The following C9 variants were observed in gnomAD, a reference collection of about 807,000 sequenced individuals.
C9 encodes complement component C9.
C9 carries 63 observed loss-of-function variants against 65.4 expected under a neutral mutation model. That is an observed-to-expected ratio of 0.96 (90% CI 0.79 to 1.19). C9 has a LOEUF of 1.19. Among genes scored for constraint, C9 ranks in the 50% most tolerant of loss-of-function variants. The pLI is 0.00. For synonymous variants in C9, 229 were observed against 227.9 expected (o/e 1.00, Z -0.04); for missense variants, 744 against 670.1 (o/e 1.11, Z -1.22).
At chr5:39,338,822 A>G (rs1183292517) in intron 4 of C9, among the ~76,000 whole-genome samples, 2 of 152,196 alleles carry the variant, frequency 1.3e-5, no homozygotes, top group Non-Finnish European at 2.9e-5. Flanking sequence ...GCCCTGCTTC[A>G]TTATGAAACT....
chr5:39,333,642 C>T lies in C9; in HGVS notation c.477-1828G>A, dbSNP rs558891800. Among the ~76,000 whole-genome samples, 207 of 149,118 alleles carry T rather than the reference C, an allele frequency of 1.4e-3. 1 individual carries two copies. Among genetic ancestry groups the T allele is most frequent in the South Asian group, 2.2e-3 (10 of 4,558 alleles). On this transcript the variant is annotated intron_variant, in intron 4 of 10. Transcript: ENST00000263408. Reference sequence around the variant, plus strand: ...GGTCTCCCCTCTCCCTCTCTTTCCACGGTCTCCCTCTCATGCCGAGCGGCA... The same window carrying T: ...GGTCTCCCCTCTCCCTCTCTTTCCATGGTCTCCCTCTCATGCCGAGCGGCA...
intron 1 of C9, among the ~76,000 whole-genome samples, chr5:39,354,122 A>AT (rs377566363): frequency 2.7e-3 from 405 of 152,332 alleles, no homozygotes; most frequent in African/African-American, 9.3e-3. Context: ...AATGTATTAC[A>AT]TGGGATGCCA....
At chr5:39,306,967 T>C (rs1337729691) in intron 8 of C9, among the ~76,000 whole-genome samples, 175 bp from the exon 9 acceptor site, 1 of 152,196 alleles carries the variant, frequency 6.6e-6, no homozygotes, top group Non-Finnish European at 1.5e-5. Flanking sequence ...AAATCTACAA[T>C]GGAAATTTAC....
At chr5:39,333,250 A>T (rs1205999095) in intron 4 of C9, among the ~76,000 whole-genome samples, 1 of 152,128 alleles carries the variant, frequency 6.6e-6, no homozygotes, top group African/African-American at 2.4e-5. Flanking sequence ...TGACCTCATC[A>T]CCGGCAAAGT....
intron 5 of C9, among the ~76,000 whole-genome samples, chr5:39,320,717 C>T (rs1753651511): frequency 6.6e-6 from 1 of 152,106 alleles, no homozygotes; most frequent in Admixed American, 6.5e-5. Context: ...AAGAGATCTT[C>T]ACTTAGACAT....
At chr5:39,288,132 A>T (rs1439327302) in intron 10 of C9, among the ~76,000 whole-genome samples, 2 of 151,954 alleles carry the variant, frequency 1.3e-5, no homozygotes, top group African/African-American at 4.8e-5. Flanking sequence ...ACAAAACAAT[A>T]TCACATATTT....
chr5:39,297,620 T>A (rs532843264), intron 9 of C9, among the ~76,000 whole-genome samples: 1 of 151,630 alleles, frequency 6.6e-6, no homozygotes, highest in African/African-American at 2.4e-5. Context: ...TAACAAATAA[T>A]ATTGTTAGGA....
At chr5:39,346,913 A>G (rs965781337) in intron 1 of C9, among the ~76,000 whole-genome samples, 2 of 152,350 alleles carry the variant, frequency 1.3e-5, no homozygotes, top group Admixed American at 6.5e-5. Context: ...AGAAACAAAG[A>G]CAAAAACCAC....
rs556120319 is a variant in C9 at position 39,343,104 on chromosome 5, C to T, written c.78-908G>A. Among the ~76,000 whole-genome samples the T allele has an allele frequency of 1.4e-4, 21 of 152,214 alleles. 1 individual carries two copies. The Middle Eastern group carries it at 0.01, about 74-fold the overall frequency. On this transcript the variant is annotated intron_variant, in intron 1 of 10. Coordinates refer to ENST00000263408, the MANE Select transcript of C9 (RefSeq NM_001737.5). ...CGTTTACAGCTCCCAGCGTGAGTGACGGAGAAGTCAGGTGATTTCTGCATT... is the reference window on the plus strand; with the variant it reads ...CGTTTACAGCTCCCAGCGTGAGTGATGGAGAAGTCAGGTGATTTCTGCATT...
At chr5:39,351,496 T>C (rs1406304298) in intron 1 of C9, among the ~76,000 whole-genome samples, 1 of 152,226 alleles carries the variant, frequency 6.6e-6, no homozygotes, top group Non-Finnish European at 1.5e-5. Context: ...TTCTCTTTGC[T>C]TATGCGAATG....
intron 1 of C9, among the ~76,000 whole-genome samples, chr5:39,358,128 G>T (rs537275286): frequency 1.3e-5 from 2 of 152,064 alleles, no homozygotes; most frequent in African/African-American, 4.8e-5. Context: ...CATGAGAACC[G>T]CTCAGCTGAG....
At chr5:39,350,337 A>G (rs548310886) in intron 1 of C9, among the ~76,000 whole-genome samples, 5 of 152,302 alleles carry the variant, frequency 3.3e-5, no homozygotes, top group African/African-American at 1.2e-4. Flanking sequence ...GAGTGGGGAC[A>G]CAGTGCCAAA....
chr5:39,346,598 A>T lies in C9; in HGVS notation c.78-4402T>A, dbSNP rs1200423285. On this transcript the variant is annotated intron_variant, in intron 1 of 10. Coordinates refer to ENST00000263408, the MANE Select transcript of C9 (RefSeq NM_001737.5). ...GCTGAATTCTACCAGAGGTACAAGG[A>T]GGAGCTGCTACCACTCTTTCTGAAA... 2.6e-5 allele frequency among the ~76,000 whole-genome samples: 4 copies of T among 152,238 alleles called. 1 individual carries two copies. Among genetic ancestry groups the T allele is most frequent in the Non-Finnish European group, 5.9e-5 (4 of 68,046 alleles).
intron 10 of C9, among the ~76,000 whole-genome samples, chr5:39,287,175 G>A (rs1330031385): frequency 1.3e-5 from 2 of 151,810 alleles, no homozygotes; most frequent in Non-Finnish European, 2.9e-5. Flanking sequence ...TTTACTTGTA[G>A]GAAGTAAAAT....
rs151034750 is a variant in C9 at position 39,294,842 on chromosome 5, C to T, written c.1417-5891G>A. ...CAAAATATTAGCAAACTGATGGCAA[C>T]AATACATCAAAAAGATAATACAGCA... On this transcript the variant is annotated intron_variant, in intron 9 of 10. Coordinates refer to ENST00000263408, the MANE Select transcript of C9 (RefSeq NM_001737.5). Among the ~76,000 whole-genome samples the T allele has an allele frequency of 1.1e-3, 167 of 151,694 alleles. 1 individual carries two copies. The highest frequency in any genetic ancestry group is 3.9e-3 in the African/African-American group (160 of 41,426).
intron 1 of C9, among the ~76,000 whole-genome samples, chr5:39,346,496 C>A (rs1474993155): frequency 6.6e-6 from 1 of 152,098 alleles, no homozygotes; most frequent in African/African-American, 2.4e-5. Context: ...CTGAATAGAC[C>A]AATAACAGGC....
chr5:39,332,010 G>T (rs1364755545), intron 4 of C9, among the ~76,000 whole-genome samples, 196 bp from the exon 5 acceptor site: 1 of 152,122 alleles, frequency 6.6e-6, no homozygotes, highest in Non-Finnish European at 1.5e-5. Context: ...CCTTAGGAGA[G>T]GCTTATGAAC....
rs1295454600 is a variant in C9 at position 39,341,571 on chromosome 5, A to C, written c.313T>G (p.Phe105Val). 1 of 1,614,146 alleles carries C rather than the reference A, an allele frequency of 6.2e-7. No homozygotes were observed. The change falls in exon 3 of 11, where the codon TTT (phenylalanine) becomes GTT (valine). Residue 105 changes from phenylalanine to valine, a missense_variant. By Grantham distance (50) the Phe-to-Val change is conservative. Transcript: ENST00000263408. ...EDAEDDCGNDFQCSTGRCIKM... is the reference protein window; with the variant it reads ...EDAEDDCGNDVQCSTGRCIKM... ...CAAAGATTACCTGTACTGCATTGAA[A>C]GTCATTTCCGCAGTCATCCTCAGCA...
rs763026372 is a variant in C9, at chr5:39,315,781, TGAAGAA to T, written c.858_863del (p.Tyr286_Ser288delinsTer). ...ATTAACTGTTTTGTCTTACCTTCTT[TGAAGAA>T]TATGACAAAAATAGTTGGTAAGTTT... On this transcript the variant is annotated stop_gained and inframe_deletion, in exon 6 of 11. Transcript: ENST00000263408. LOFTEE classifies it high-confidence loss of function. The T allele has an allele frequency of 1.9e-6, 3 of 1,597,352 alleles. No individual in the cohort carries two copies. Among genetic ancestry groups the T allele is most frequent in the Non-Finnish European group, 2.6e-6 (3 of 1,165,400 alleles).
Sources: allele counts gnomAD v4.1 joint callset (sites outside exome capture counted in the v4.1 genomes callset), GRCh38; gene constraint gnomAD v4.1.1; transcripts MANE v1.5; gene names NCBI Gene and HGNC (gene_info 2026-07-23, HGNC 2026-07-21).